Variants in CPD observed in about 807,000 individuals in gnomAD.
CPD encodes carboxypeptidase D, also known as metallocarboxypeptidase D.
In CPD, 69 loss-of-function variants were observed where a neutral mutation model predicts 138.3. The observed-to-expected ratio is 0.50, with a 90% CI of 0.41 to 0.61. CPD has a LOEUF of 0.61. Ranked by LOEUF, CPD falls within the 20% of genes least tolerant of loss-of-function variation. CPD has a pLI of 0.00. For missense variants in CPD, 1,432 were observed against 1,733.3 expected, an observed-to-expected ratio of 0.83 and a Z score of 3.09; for synonymous variants, 651 against 642.1, an observed-to-expected ratio of 1.01 and a Z score of -0.21.
chr17:30,456,776 A>T, intron 17 of CPD: 1 of 297,486 alleles, frequency 3.4e-6, no homozygotes, highest in Non-Finnish European at 6.4e-6. Flanking sequence ...TGGGAGGCGG[A>T]GGTTGCAGTG....
chr17:30,456,846 CAAAAA>C (rs11353479), intron 17 of CPD: 18 of 66,826 alleles, frequency 2.7e-4, no homozygotes, highest in South Asian at 1.6e-3. Context: ...GATTCCATCT[CAAAAA>C]AAAAAAAAAA....
intron 13 of CPD, 49 bp downstream of exon 13, chr17:30,449,797 A>G (rs1385670579): frequency 2.0e-6 from 3 of 1,476,934 alleles, no homozygotes; most frequent in Middle Eastern, 1.8e-4. Context: ...AAAGCTCAAC[A>G]TTAATATCAG....
intron 2 of CPD, among the ~76,000 whole-genome samples, chr17:30,400,463 G>A (rs954612222): frequency 9.2e-5 from 14 of 151,762 alleles, no homozygotes; most frequent in African/African-American, 3.4e-4. Context: ...GGGACTTAAG[G>A]GGAGAAAAAT....
At chr17:30,411,867 G>A (rs1772952470) in intron 2 of CPD, among the ~76,000 whole-genome samples, 2 of 152,326 alleles carry the variant, frequency 1.3e-5, no homozygotes, top group South Asian at 4.1e-4. Flanking sequence ...CTGTCAGCTT[G>A]TGAAAGTCAT....
chr17:30,443,802 G>C lies in CPD; in HGVS notation c.2374G>C (p.Val792Leu), dbSNP rs1912943589. The C allele has an allele frequency of 6.2e-7, 1 of 1,608,002 alleles. No homozygotes were observed. The highest frequency in any genetic ancestry group is 8.5e-7 in the Non-Finnish European group (1 of 1,175,864). ...TCTGGTGTCCTTGTACTTAATCCAG[G>C]TTCATCAGGGCGTCAGAGGATTTGT... ...RRSLIQFMKQ[V>L]HQGVRGFVLD... The change falls in exon 11 of 21, where the codon GTT becomes CTT. Residue 792 changes from valine (V) to leucine (L), a missense_variant and splice_region_variant. This residue lies in a region of CPD where 297 missense variants were observed against 405.3 expected (regional missense o/e 0.73). Transcript: ENST00000225719.
At chr17:30,402,132 A>G (rs566621127) in intron 2 of CPD, among the ~76,000 whole-genome samples, 8 of 150,526 alleles carry the variant, frequency 5.3e-5, no homozygotes, top group African/African-American at 2.0e-4. Flanking sequence ...ACTTTTTCCT[A>G]TCATTTCCAT....
chr17:30,379,418 C>T lies in CPD; in HGVS notation c.438C>T (p.Arg146=), dbSNP rs1182256102. Residue 146 remains arginine, a synonymous_variant, in exon 1 of 21, where the codon CGC becomes CGT. Transcript: ENST00000225719. The surrounding 1 kb of genome is among the most constrained non-coding windows in gnomAD (Gnocchi z 7.0). ...GNMHGDETVS[R]QVLIYLAREL... ...TGCATGGCGACGAGACCGTGTCGCG[C>T]CAGGTGTTGATCTACTTGGCCCGCG... 6.4e-7 allele frequency: 1 copy of T among 1,562,046 alleles called. No homozygotes were observed. The highest frequency in any genetic ancestry group is 1.2e-5 in the South Asian group (1 of 86,454).
intron 19 of CPD, 66 bp downstream of exon 19, chr17:30,462,128 T>A: frequency 1.5e-6 from 2 of 1,373,366 alleles, no homozygotes; most frequent in Non-Finnish European, 2.0e-6. Context: ...TGTTTTATTT[T>A]GAAACTCTTG....
chr17:30,394,169 A>G (rs1468720076), intron 2 of CPD, among the ~76,000 whole-genome samples: 1 of 98,258 alleles, frequency 1.0e-5, no homozygotes, highest in Non-Finnish European at 2.0e-5. Flanking sequence ...CCGTGTCAAA[A>G]AAAAAAGAAA....
chr17:30,456,733 T>C, intron 17 of CPD: 1 of 460,296 alleles, frequency 2.2e-6, no homozygotes, highest in Non-Finnish European at 4.0e-6. Context: ...TCCCAGCTAC[T>C]TGGGAGGCTG....
chr17:30,383,438 T>G (rs1911103316), intron 1 of CPD, among the ~76,000 whole-genome samples: 1 of 152,224 alleles, frequency 6.6e-6, no homozygotes, highest in African/African-American at 2.4e-5. Context: ...GAGCAACAGA[T>G]CTGGGAGACG....
chr17:30,423,814 A>G (rs1406809376), intron 6 of CPD, 117 bp downstream of exon 6: 27 of 764,824 alleles, frequency 3.5e-5, no homozygotes, highest in Non-Finnish European at 4.9e-5. Flanking sequence ...TTTCCTTTTA[A>G]TTTATGATTG....
chr17:30,439,394 C>CTTTTTT (rs71138889), intron 9 of CPD, among the ~76,000 whole-genome samples: 18 of 124,634 alleles, frequency 1.4e-4, no homozygotes, highest in East Asian at 2.4e-4. Context: ...ACGTTACTTT[C>CTTTTTT]TTTTTTTTTT....
At position 30,421,548 on chromosome 17, in the gene CPD, G is replaced by A; in HGVS notation, c.1138-116G>A. On this transcript the variant is annotated intron_variant, in intron 3 of 20. Coordinates refer to ENST00000225719, the MANE Select transcript of CPD (RefSeq NM_001304.5). ...ACTTCAAGGGATTGAAAATGTTTTGGGGGAGAGAGAAGAGTCACTTTATTT... is the reference window on the plus strand; with the variant it reads ...ACTTCAAGGGATTGAAAATGTTTTGAGGGAGAGAGAAGAGTCACTTTATTT... 8 of 810,532 alleles carry A rather than the reference G, an allele frequency of 9.9e-6. No homozygotes were observed. In the South Asian group the frequency reaches 1.3e-4, roughly 13 times the overall value. The allele number at this position is 810,532 out of a possible 1,614,324, so 50.2% of individuals were successfully genotyped here. A position where few individuals can be genotyped will look rare whatever the true frequency, so the allele number is the denominator to read the frequency against.
rs1913714853 is a variant in CPD at position 30,468,902 on chromosome 17, A to G, written c.*4088A>G. 6.6e-6 allele frequency: 1 copy of G among 152,186 alleles called. No individual in the cohort carries two copies. The highest frequency in any genetic ancestry group is 1.5e-5 in the Non-Finnish European group (1 of 68,000). 9.4% of individuals were successfully genotyped at this position (152,186 alleles called of 1,614,324 possible). ...TGAAATCGCATTATGTAGTAGCCAC[A>G]GTTTTCTGTTTGTAGCTCAGCTAGA... is the stretch of plus-strand genomic sequence containing the variant. On this transcript the variant is annotated 3_prime_UTR_variant, in exon 21 of 21. Transcript: ENST00000225719.
At chr17:30,450,131 A>G (rs1274440343) in intron 13 of CPD, 1 of 147,422 alleles carries the variant, frequency 6.8e-6, no homozygotes, top group Non-Finnish European at 1.5e-5. Flanking sequence ...ATCTCGGCTC[A>G]CTGCAACCTC....
At chr17:30,449,925 G>A (rs1360184840) in intron 13 of CPD, among the ~76,000 whole-genome samples, 177 bp downstream of exon 13, 1 of 152,060 alleles carries the variant, frequency 6.6e-6, no homozygotes, top group Non-Finnish European at 1.5e-5. Context: ...TTTGTTAATA[G>A]TGTCTTTCTA....
At chr17:30,438,499 TAGGGTAAGATAATTGTAC>T (rs1345140350) in intron 8 of CPD, among the ~76,000 whole-genome samples, 2 of 152,122 alleles carry the variant, frequency 1.3e-5, no homozygotes, top group Non-Finnish European at 2.9e-5. Context: ...CTAGTTGTAA[TAGGGTAAGATAATTGTAC>T]AGAGGGCAGT....
rs1424537031 is a variant in CPD, at chr17:30,466,854, A to G, written c.*2040A>G. 6.6e-6 allele frequency: 1 copy of G among 152,346 alleles called. No homozygotes were observed. Among genetic ancestry groups the G allele is most frequent in the African/African-American group, 2.4e-5 (1 of 41,470 alleles). The allele number at this position is 152,346 out of a possible 1,614,324, so 9.4% of individuals were successfully genotyped here. Reference sequence around the variant, plus strand: ...TGGCTGGAGGCCATGCCTTTTAAGCATGTGTAAAATTTTTAAAGAAATGAA... The same window carrying G: ...TGGCTGGAGGCCATGCCTTTTAAGCGTGTGTAAAATTTTTAAAGAAATGAA... On this transcript the variant is annotated 3_prime_UTR_variant, in exon 21 of 21. Transcript: ENST00000225719.
Sources: gnomAD v4.1 joint callset for allele counts (sites outside exome capture counted in the v4.1 genomes callset) on GRCh38, gnomAD v4.1.1 for gene constraint, gnomAD v4.1.1 regional missense constraint, Gnocchi (gnomAD v3.1) non-coding constraint, MANE v1.5 for transcripts, NCBI Gene and HGNC (gene_info 2026-07-23, HGNC 2026-07-21) for gene names.